Variants in PAPPA observed in about 807,000 individuals in gnomAD.
PAPPA encodes pappalysin-1.
In PAPPA, 60 loss-of-function variants were observed where a neutral mutation model predicts 164.0. That is an observed-to-expected ratio of 0.37 (90% CI 0.30 to 0.45). PAPPA has a LOEUF of 0.45. Among genes scored for constraint, PAPPA ranks in the 20% least tolerant of loss-of-function variants. The pLI, the probability that PAPPA is intolerant of heterozygous loss-of-function variation, is 1.00. For synonymous variants in PAPPA, 875 were observed against 814.1 expected, an observed-to-expected ratio of 1.07 and a Z score of -1.27; for missense variants, 1,782 against 2,087.3, an observed-to-expected ratio of 0.85 and a Z score of 2.85.
chr9:116,387,379 ATGT>A (rs541815049), intron 21 of PAPPA, among the ~76,000 whole-genome samples: 100 of 152,170 alleles, frequency 6.6e-4, no homozygotes, highest in African/African-American at 2.3e-3. Context: ...CCTGTTGTAG[ATGT>A]TGTTCTTTTT....
intron 7 of PAPPA, among the ~76,000 whole-genome samples, chr9:116,262,331 C>A (rs770712488): frequency 6.6e-6 from 1 of 151,976 alleles, no homozygotes; most frequent in Non-Finnish European, 1.5e-5. Flanking sequence ...TTTACTACTA[C>A]GGATGGTTGA....
intron 7 of PAPPA, among the ~76,000 whole-genome samples, chr9:116,245,801 G>C (rs1039327557): frequency 1.3e-5 from 2 of 152,178 alleles, no homozygotes; most frequent in Non-Finnish European, 2.9e-5. Flanking sequence ...TGTTAAACAC[G>C]TAGGACTGAA....
At chr9:116,209,725 C>A (rs553789337) in intron 3 of PAPPA, among the ~76,000 whole-genome samples, 82 of 152,164 alleles carry the variant, frequency 5.4e-4, no homozygotes, top group Non-Finnish European at 1.1e-3. Flanking sequence ...AGTCTGCAAT[C>A]CAATCATCAT....
chr9:116,241,170 T>C (rs747743118), intron 7 of PAPPA, among the ~76,000 whole-genome samples: 5 of 152,196 alleles, frequency 3.3e-5, no homozygotes, highest in Admixed American at 6.6e-5. Context: ...AATTAGAAAC[T>C]TTAGTGCATT....
Position 116,352,695 on chromosome 9 carries a change from A to G in PAPPA, c.3965-11A>G, listed in dbSNP as rs577365182. On this transcript the variant is annotated splice_polypyrimidine_tract_variant and intron_variant, in intron 15 of 21. Transcript: ENST00000328252. ...CTCCCTCCTCTAACCCTGCTTGCCT[A>G]TGTCTTCCAGGCAACAACAGCCTCC... 4.4e-6 allele frequency: 7 copies of G among 1,608,886 alleles called. No individual in the cohort carries two copies. Among genetic ancestry groups the G allele is most frequent in the South Asian group, 1.1e-5 (1 of 90,924 alleles).
chr9:116,177,400 T>C (rs1334652822), intron 1 of PAPPA, among the ~76,000 whole-genome samples: 1 of 152,240 alleles, frequency 6.6e-6, no homozygotes, highest in Admixed American at 6.5e-5. Flanking sequence ...AAGCATTTTG[T>C]CAACTTAATT....
At chr9:116,331,459 G>A (rs1226368990) in intron 11 of PAPPA, 102 bp downstream of exon 11, 5 of 717,962 alleles carry the variant, frequency 7.0e-6, no homozygotes, top group African/African-American at 3.5e-5. Flanking sequence ...CCTGCTGAGG[G>A]TGTTAATTGT....
chr9:116,296,449 A>G (rs941376923), intron 9 of PAPPA, among the ~76,000 whole-genome samples: 1 of 152,130 alleles, frequency 6.6e-6, no homozygotes, highest in Admixed American at 6.5e-5. Context: ...GAGCACTGTT[A>G]TGGGTTGGAA....
intron 5 of PAPPA, among the ~76,000 whole-genome samples, chr9:116,223,000 T>A (rs552955877): frequency 2.0e-5 from 3 of 152,188 alleles, no homozygotes; most frequent in African/African-American, 4.8e-5. Context: ...ATGTTAAAAA[T>A]TTTTGAAACC....
intron 3 of PAPPA, among the ~76,000 whole-genome samples, chr9:116,209,577 G>T (rs573026126): frequency 3.2e-4 from 48 of 152,298 alleles, no homozygotes; most frequent in Non-Finnish European, 5.3e-4. Flanking sequence ...TAGTATTTCA[G>T]GATGATGTCA....
chr9:116,187,694 A>C lies in PAPPA; in HGVS notation c.956A>C (p.Asp319Ala). 1.2e-6 allele frequency: 2 copies of C among 1,614,250 alleles called. No homozygotes were observed. Among genetic ancestry groups the C allele is most frequent in the Non-Finnish European group, 1.7e-6 (2 of 1,180,036 alleles). The part of the protein sequence containing the change: ...EFSNAHGFLL[D>A]TSLEPPLCGQ... ...AGCAATGCCCACGGCTTTCTGCTGGACACGAGTCTGGAGCCTCCTCTGTGC... is the reference window on the plus strand; with the variant it reads ...AGCAATGCCCACGGCTTTCTGCTGGCCACGAGTCTGGAGCCTCCTCTGTGC... The change falls in exon 2 of 22, where the codon GAC (aspartate) becomes GCC (alanine). Residue 319 changes from aspartate (D) to alanine (A), a missense_variant. Coordinates refer to ENST00000328252, the MANE Select transcript of PAPPA (RefSeq NM_002581.5). The surrounding 1 kb of genome is among the most constrained non-coding windows in gnomAD (Gnocchi z 4.2).
At chr9:116,186,195 G>A (rs1843967062) in intron 1 of PAPPA, among the ~76,000 whole-genome samples, 1 of 143,746 alleles carries the variant, frequency 7.0e-6, no homozygotes, top group African/African-American at 2.6e-5. Flanking sequence ...TGTTAAGAAG[G>A]CACTCATTAT....
chr9:116,269,055 C>T (rs922751257), intron 8 of PAPPA, among the ~76,000 whole-genome samples: 6 of 152,164 alleles, frequency 3.9e-5, no homozygotes, highest in Admixed American at 1.3e-4. Flanking sequence ...TTTGATAGAT[C>T]GGGTAAAGGT....
chr9:116,184,303 A>G (rs940183891), intron 1 of PAPPA, among the ~76,000 whole-genome samples: 1 of 152,148 alleles, frequency 6.6e-6, no homozygotes, highest in Non-Finnish European at 1.5e-5. Context: ...AGCTTTTAAT[A>G]TGTAGTCTCA....
chr9:116,268,444 G>T (rs1329979970), intron 8 of PAPPA, among the ~76,000 whole-genome samples: 1 of 152,184 alleles, frequency 6.6e-6, no homozygotes, highest in Admixed American at 6.5e-5. Context: ...GTGGGTCCAA[G>T]ATTGAACTTC....
intron 20 of PAPPA, among the ~76,000 whole-genome samples, chr9:116,378,283 G>C (rs563730533): frequency 6.6e-6 from 1 of 152,172 alleles, no homozygotes. Context: ...TGACAAGCTT[G>C]GGAGGACTCA....
chr9:116,341,356 A>G (rs1846134896), intron 13 of PAPPA, among the ~76,000 whole-genome samples: 1 of 152,022 alleles, frequency 6.6e-6, no homozygotes, highest in Non-Finnish European at 1.5e-5. Context: ...CATTTCTCAT[A>G]TATTGGCCTT....
chr9:116,161,161 A>G (rs1026193762), intron 1 of PAPPA, among the ~76,000 whole-genome samples: 1 of 152,200 alleles, frequency 6.6e-6, no homozygotes, highest in East Asian at 1.9e-4. Flanking sequence ...TGCTTTTATT[A>G]TGATCATTCA....
At chr9:116,360,095 C>A (rs2118619896) in intron 17 of PAPPA, among the ~76,000 whole-genome samples, 1 of 152,334 alleles carries the variant, frequency 6.6e-6, no homozygotes, top group Middle Eastern at 3.4e-3. Context: ...TGTTACAAAC[C>A]AAGCTCTCCA....
Sources: allele counts gnomAD v4.1 joint callset (sites outside exome capture counted in the v4.1 genomes callset), GRCh38; gene constraint gnomAD v4.1.1; non-coding constraint Gnocchi (gnomAD v3.1); transcripts MANE v1.5; gene names NCBI Gene and HGNC (gene_info 2026-07-23, HGNC 2026-07-21).